Variants in CSTPP1 observed in about 807,000 individuals in gnomAD.
The protein encoded by CSTPP1 is UPF0705 protein C11orf49.
the CSTPP1 span, among the ~76,000 whole-genome samples, chr11:46,999,146 A>T: frequency 6.6e-6 from 1 of 152,004 alleles, no homozygotes; most frequent in Non-Finnish European, 1.5e-5. Flanking sequence ...CTCACTCTAT[A>T]ACCCTGGGCA....
At chr11:47,064,264 G>T in the CSTPP1 span, among the ~76,000 whole-genome samples, 1 of 151,858 alleles carries the variant, frequency 6.6e-6, no homozygotes, top group Non-Finnish European at 1.5e-5. Flanking sequence ...TGTTCTGTAG[G>T]TCATCTTTTC....
chr11:47,087,314 A>G, the CSTPP1 span, among the ~76,000 whole-genome samples: 8 of 152,258 alleles, frequency 5.3e-5, no homozygotes, highest in Non-Finnish European at 1.2e-4. Context: ...TATCACTACT[A>G]GCTGTGTGGC....
chr11:47,058,136 C>G, the CSTPP1 span, among the ~76,000 whole-genome samples: 44 of 152,194 alleles, frequency 2.9e-4, 1 homozygote, highest in African/African-American at 9.6e-4. Context: ...GAGTTCATGA[C>G]CAGCTTGGGC....
At chr11:46,957,229 A>G in the CSTPP1 span, among the ~76,000 whole-genome samples, 2 of 152,172 alleles carry the variant, frequency 1.3e-5, no homozygotes, top group South Asian at 4.1e-4. Flanking sequence ...CTTCATCTTT[A>G]TCATGGGTAT....
the CSTPP1 span, chr11:47,161,195 G>GTGTC: frequency 1.2e-6 from 2 of 1,614,162 alleles, no homozygotes; most frequent in Non-Finnish European, 1.7e-6. Flanking sequence ...ACGGCTGTAA[G>GTGTC]TGTCAAGTGG....
the CSTPP1 span, among the ~76,000 whole-genome samples, chr11:46,947,405 T>G: frequency 6.6e-6 from 1 of 152,204 alleles, no homozygotes; most frequent in Non-Finnish European, 1.5e-5. Context: ...TAATGATTTA[T>G]CAAAGAGAGG....
At chr11:46,948,899 T>A in the CSTPP1 span, among the ~76,000 whole-genome samples, 1 of 152,164 alleles carries the variant, frequency 6.6e-6, no homozygotes, top group African/African-American at 2.4e-5. Context: ...ACACGTCAGT[T>A]ATGTGCAGTT....
chr11:47,012,000 C>A, the CSTPP1 span, among the ~76,000 whole-genome samples: 1 of 151,966 alleles, frequency 6.6e-6, no homozygotes, highest in Admixed American at 6.6e-5. Context: ...AGGAGCCGGA[C>A]ATGATGGCTC....
chr11:47,009,178 C>T, the CSTPP1 span, among the ~76,000 whole-genome samples: 1 of 152,136 alleles, frequency 6.6e-6, no homozygotes, highest in African/African-American at 2.4e-5. Flanking sequence ...CATAACTTGG[C>T]CTTGTCATTC....
the CSTPP1 span, among the ~76,000 whole-genome samples, chr11:47,076,963 GAAAA>G: frequency 1.5e-5 from 2 of 129,666 alleles, no homozygotes; most frequent in African/African-American, 2.8e-5. Context: ...AAAACAGGAG[GAAAA>G]AAAAAAAAAA....
At chr11:47,029,304 G>A in the CSTPP1 span, among the ~76,000 whole-genome samples, 4 of 151,964 alleles carry the variant, frequency 2.6e-5, no homozygotes, top group Non-Finnish European at 4.4e-5. Context: ...GCAACACAAG[G>A]TTACTTTAAA....
At chr11:46,995,424 A>T in the CSTPP1 span, among the ~76,000 whole-genome samples, 1 of 152,104 alleles carries the variant, frequency 6.6e-6, no homozygotes, top group South Asian at 2.1e-4. Flanking sequence ...AGTGCTATCA[A>T]TTTCCCTCTA....
chr11:47,137,360 G>T, the CSTPP1 span: 2 of 1,455,472 alleles, frequency 1.4e-6, no homozygotes, highest in Non-Finnish European at 9.1e-7. Context: ...ACTGATGAAG[G>T]TGCCTCTCTT....
At chr11:46,976,626 A>T in the CSTPP1 span, among the ~76,000 whole-genome samples, 6 of 152,212 alleles carry the variant, frequency 3.9e-5, no homozygotes, top group South Asian at 2.1e-4. Context: ...AGTTGAGTAC[A>T]TAGTACAGTG....
the CSTPP1 span, among the ~76,000 whole-genome samples, chr11:47,007,111 C>T: frequency 6.8e-6 from 1 of 147,720 alleles, no homozygotes; most frequent in Non-Finnish European, 1.5e-5. Flanking sequence ...CCAGGTTCAA[C>T]CCACTCTGCC....
the CSTPP1 span, chr11:47,157,219 G>C: frequency 6.4e-7 from 1 of 1,564,712 alleles, no homozygotes. Flanking sequence ...ACAAGTACAG[G>C]TGAGGAACGG....
At chr11:47,069,401 C>T in the CSTPP1 span, among the ~76,000 whole-genome samples, 36 of 152,248 alleles carry the variant, frequency 2.4e-4, no homozygotes, top group Admixed American at 3.9e-4. Flanking sequence ...TAGCCCAAAA[C>T]GTAATTGTAG....
chr11:47,046,276 C>G, the CSTPP1 span, among the ~76,000 whole-genome samples: 2 of 146,412 alleles, frequency 1.4e-5, no homozygotes, highest in African/African-American at 5.0e-5. Flanking sequence ...AAAGAATCCA[C>G]CAAAAGAAAA....
the CSTPP1 span, chr11:47,157,156 G>A: frequency 2.7e-5 from 43 of 1,612,992 alleles, no homozygotes; most frequent in East Asian, 8.7e-4. Flanking sequence ...GCACGCTGGA[G>A]GGCGTGGAGG....
Sources: allele counts gnomAD v4.1 joint callset (sites outside exome capture counted in the v4.1 genomes callset), GRCh38; gene constraint gnomAD v4.1.1; transcripts MANE v1.5; gene names NCBI Gene and HGNC (gene_info 2026-07-23, HGNC 2026-07-21).